Variants in MDFIC observed in about 807,000 individuals in gnomAD.
The protein encoded by MDFIC is MyoD family inhibitor domain containing.
In MDFIC, 17 loss-of-function variants were observed where a neutral mutation model predicts 23.2. The ratio of observed to expected loss-of-function variants is 0.73; its 90% CI spans 0.50 to 1.10. The LOEUF (loss-of-function observed/expected upper bound fraction) is 1.10, where lower values mean the gene tolerates loss of function less well. Ranked by LOEUF, MDFIC falls within the 50% of genes least tolerant of loss-of-function variation. The pLI, the probability that MDFIC is intolerant of heterozygous loss-of-function variation, is 0.00. For synonymous variants in MDFIC, 120 were observed against 115.2 expected, an observed-to-expected ratio of 1.04 and a Z score of -0.27; for missense variants, 356 against 316.6, an observed-to-expected ratio of 1.12 and a Z score of -0.95.
intron 4 of MDFIC, among the ~76,000 whole-genome samples, chr7:114,999,423 GT>G (rs968457608): frequency 2.7e-5 from 4 of 150,458 alleles, no homozygotes; most frequent in African/African-American, 7.3e-5. Flanking sequence ...GCTATTTGCT[GT>G]TTTTTTTTAA....
At chr7:115,011,565 T>G (rs1471134595) in intron 4 of MDFIC, among the ~76,000 whole-genome samples, 1 of 152,102 alleles carries the variant, frequency 6.6e-6, no homozygotes, top group Admixed American at 6.6e-5. Flanking sequence ...ACCTAAGAAC[T>G]TAAAAAAAAT....
intron 4 of MDFIC, among the ~76,000 whole-genome samples, chr7:114,983,644 T>C (rs182281553): frequency 1.4e-4 from 19 of 140,462 alleles, no homozygotes; most frequent in Non-Finnish European, 4.5e-5. Context: ...CTCGGCTCAA[T>C]GCAACCTCTG....
At chr7:114,943,823 T>G (rs1250731817) in intron 3 of MDFIC, among the ~76,000 whole-genome samples, 2 of 152,170 alleles carry the variant, frequency 1.3e-5, no homozygotes, top group Admixed American at 1.3e-4. Context: ...CACTTTTTTT[T>G]CGGTGGTAAC....
chr7:114,988,437 C>A lies in MDFIC; in HGVS notation c.493+8656C>A, dbSNP rs113945402. Reference sequence around the variant, plus strand: ...GGTCAAACATAATATGTAGGCACAGCAGCCAGGCTGGAGATGAAAGTTTGT... The same window carrying A: ...GGTCAAACATAATATGTAGGCACAGAAGCCAGGCTGGAGATGAAAGTTTGT... On this transcript the variant is annotated intron_variant, in intron 4 of 4. Coordinates refer to ENST00000393486, the MANE Select transcript of MDFIC (RefSeq NM_001166345.3). Among the ~76,000 whole-genome samples the A allele has an allele frequency of 4.3e-3, 654 of 152,258 alleles. 3 individuals are homozygous for A. The highest frequency in any genetic ancestry group is 0.013 in the African/African-American group (548 of 41,540).
chr7:114,993,483 C>A (rs1447209626), intron 4 of MDFIC, among the ~76,000 whole-genome samples: 1 of 152,138 alleles, frequency 6.6e-6, no homozygotes, highest in South Asian at 2.1e-4. Flanking sequence ...CTCTTGTGGG[C>A]ATTTAGTGTT....
intron 2 of MDFIC, among the ~76,000 whole-genome samples, chr7:114,927,246 A>G (rs1475184546): frequency 6.6e-6 from 1 of 151,996 alleles, no homozygotes; most frequent in Non-Finnish European, 1.5e-5. Context: ...GTGCTCCTTA[A>G]CTCTAGTTGA....
At chr7:114,973,199 T>A (rs1232157020) in intron 3 of MDFIC, among the ~76,000 whole-genome samples, 1 of 151,966 alleles carries the variant, frequency 6.6e-6, no homozygotes, top group Non-Finnish European at 1.5e-5. Context: ...TAATGTTTTA[T>A]AGAGTCTCAG....
chr7:115,000,155 T>C (rs1791432786), intron 4 of MDFIC, among the ~76,000 whole-genome samples: 1 of 152,228 alleles, frequency 6.6e-6, no homozygotes, highest in African/African-American at 2.4e-5. Flanking sequence ...AAGAACACTG[T>C]ATTTTTACTG....
At chr7:115,005,610 A>G (rs550308729) in intron 4 of MDFIC, among the ~76,000 whole-genome samples, 1 of 152,324 alleles carries the variant, frequency 6.6e-6, no homozygotes, top group South Asian at 2.1e-4. Context: ...GTAATAATAC[A>G]CTAGGCTACA....
At chr7:114,941,631 C>CTTGTT (rs1284718414) in intron 2 of MDFIC, among the ~76,000 whole-genome samples, 2 of 152,108 alleles carry the variant, frequency 1.3e-5, no homozygotes, top group Non-Finnish European at 2.9e-5. Flanking sequence ...TGCATTATAC[C>CTTGTT]TTGTTGCCAG....
Position 114,922,191 on chromosome 7 carries a change from G to A in MDFIC, c.-553G>A, listed in dbSNP as rs1475804068. 1 of 405,722 alleles carries A rather than the reference G, an allele frequency of 2.5e-6. No individual in the cohort carries two copies. The highest frequency in any genetic ancestry group is 4.2e-6 in the Non-Finnish European group (1 of 237,330). 25.1% of individuals were successfully genotyped at this position (405,722 alleles called of 1,614,324 possible). ...CTGGCCTCCTGACCCAGACAGCGCA[G>A]GGCGCGAGGGATCGCGCGGCCGAGC... is the stretch of plus-strand genomic sequence containing the variant. On this transcript the variant is annotated 5_prime_UTR_variant, in exon 1 of 5. Transcript: ENST00000393486.
At chr7:115,013,259 G>C (rs1585125030) in intron 4 of MDFIC, among the ~76,000 whole-genome samples, 1 of 152,220 alleles carries the variant, frequency 6.6e-6, no homozygotes, top group East Asian at 1.9e-4. Flanking sequence ...TTAAGACAGT[G>C]GTTACTTCTA....
In MDFIC at chr7:114,942,577, G is replaced by A. The variant is rs373376421; in HGVS notation, c.217+180G>A. Among the ~76,000 whole-genome samples the A allele has an allele frequency of 2.4e-4, 36 of 152,308 alleles. 1 individual carries two copies. Among genetic ancestry groups the A allele is most frequent in the African/African-American group, 8.4e-4 (35 of 41,572 alleles). On this transcript the variant is annotated intron_variant, in intron 3 of 4. Coordinates refer to ENST00000393486, the MANE Select transcript of MDFIC (RefSeq NM_001166345.3). ...AGCTAGGATATACATAATGCTGTCAGTGTTGCCTTTCTTCAGAAATGAAGA... is the reference window on the plus strand; with the variant it reads ...AGCTAGGATATACATAATGCTGTCAATGTTGCCTTTCTTCAGAAATGAAGA...
intron 3 of MDFIC, among the ~76,000 whole-genome samples, chr7:114,968,458 A>G (rs994795692): frequency 2.6e-5 from 4 of 152,150 alleles, no homozygotes; most frequent in African/African-American, 9.7e-5. Context: ...AAGTTTGGAA[A>G]CTTTTGTTGC....
chr7:114,977,092 T>C (rs1420757390), intron 3 of MDFIC, among the ~76,000 whole-genome samples: 1 of 152,184 alleles, frequency 6.6e-6, no homozygotes, highest in East Asian at 1.9e-4. Context: ...TCCAGGAAAG[T>C]ATAGCACAGT....
intron 3 of MDFIC, among the ~76,000 whole-genome samples, chr7:114,971,685 G>C (rs1424306256): frequency 6.6e-6 from 1 of 151,888 alleles, no homozygotes; most frequent in Non-Finnish European, 1.5e-5. Flanking sequence ...TAATTTCTCT[G>C]GATAATAAGC....
intron 4 of MDFIC, among the ~76,000 whole-genome samples, chr7:115,008,464 T>C (rs551590955): frequency 6.6e-6 from 1 of 152,286 alleles, no homozygotes; most frequent in East Asian, 1.9e-4. Flanking sequence ...TGTTCCCCAC[T>C]AGGAAAATGT....
At chr7:114,935,850 A>G (rs760804539) in intron 2 of MDFIC, among the ~76,000 whole-genome samples, 5 of 152,122 alleles carry the variant, frequency 3.3e-5, no homozygotes, top group Non-Finnish European at 7.4e-5. Context: ...GTCTAGAAAC[A>G]TACTTATTGT....
At chr7:114,981,343 T>A (rs1793414282) in intron 4 of MDFIC, among the ~76,000 whole-genome samples, 1 of 152,352 alleles carries the variant, frequency 6.6e-6, no homozygotes, top group East Asian at 1.9e-4. Context: ...TTGCTTGCCT[T>A]TAATACCATG....
Sources: allele counts gnomAD v4.1 joint callset (sites outside exome capture counted in the v4.1 genomes callset), GRCh38; gene constraint gnomAD v4.1.1; transcripts MANE v1.5; gene names NCBI Gene and HGNC (gene_info 2026-07-23, HGNC 2026-07-21).